Variants in ASTN2 observed in about 807,000 individuals in gnomAD.
The protein encoded by ASTN2 is astrotactin 2.
Under a neutral mutation model 139.8 loss-of-function variants are expected in ASTN2, and 54 were observed. The observed-to-expected ratio is 0.39, with a 90% CI of 0.31 to 0.48. The LOEUF is 0.48. Among genes scored for constraint, ASTN2 ranks in the 20% least tolerant of loss-of-function variants. ASTN2 has a pLI of 0.95. For missense variants in ASTN2, 1,565 were observed against 1,725.1 expected (o/e 0.91, Z 1.64); for synonymous variants, 756 against 719.5 (o/e 1.05, Z -0.81).
rs566478336 is a variant in ASTN2, at chr9:117,264,112, T to G, written c.630+27214A>C. Among the ~76,000 whole-genome samples the G allele has an allele frequency of 2.2e-4, 33 of 152,338 alleles. 1 individual carries two copies. The highest frequency in any genetic ancestry group is 3.9e-4 in the Admixed American group (6 of 15,300). ...TCTAAATTGAAAAAAATACAGTTTATTTATGGTATCCACATAATACTGTTA... is the reference window on the plus strand; with the variant it reads ...TCTAAATTGAAAAAAATACAGTTTAGTTATGGTATCCACATAATACTGTTA... On this transcript the variant is annotated intron_variant, in intron 2 of 22. Coordinates refer to ENST00000313400, the MANE Select transcript of ASTN2 (RefSeq NM_001365068.1).
intron 3 of ASTN2, among the ~76,000 whole-genome samples, chr9:117,161,362 G>A (rs1402358941): frequency 1.3e-5 from 2 of 151,942 alleles, no homozygotes; most frequent in Non-Finnish European, 2.9e-5. Context: ...GAGGAGAACT[G>A]GAGCAGCTTT....
chr9:116,680,307 T>G (rs149467370), intron 16 of ASTN2, among the ~76,000 whole-genome samples: 6,223 of 152,142 alleles, frequency 0.041, 414 homozygotes, highest in African/African-American at 0.14. Context: ...ACATACACCA[T>G]CCCAAGACTA....
In ASTN2 at chr9:117,305,147, G is replaced by A. The variant is rs570181270; in HGVS notation, c.443-13634C>T. On this transcript the variant is annotated intron_variant, in intron 1 of 22. Transcript: ENST00000313400. ...TCCCATATTGCCAGGCTAGCAGTAG[G>A]AAAAGTGGAATTCCACTCTTGTCTT... Among the ~76,000 whole-genome samples the A allele has an allele frequency of 3.3e-4, 51 of 152,270 alleles. 1 individual carries two copies. In the South Asian group the frequency reaches 9.8e-3, roughly 29 times the overall value.
Position 116,736,613 on chromosome 9 carries a change from T to G in ASTN2, c.2397-3090A>C, listed in dbSNP as rs542063808. Among the ~76,000 whole-genome samples the G allele has an allele frequency of 3.3e-5, 5 of 152,274 alleles. No homozygotes were observed. In the East Asian group the frequency reaches 9.6e-4, roughly 29 times the overall value. On this transcript the variant is annotated intron_variant, in intron 13 of 22. Transcript: ENST00000313400. The stretch of plus-strand genomic sequence containing the variant: ...TATTCACCACATGCCCCAGGCTCTG[T>G]TCTCTATGTGACCTCTTCAAGCCTC...
At chr9:116,511,685 G>A (rs1033172674) in intron 19 of ASTN2, among the ~76,000 whole-genome samples, 1 of 152,156 alleles carries the variant, frequency 6.6e-6, no homozygotes, top group South Asian at 2.1e-4. Context: ...TTCAGAGCCT[G>A]TGATTGGTCT....
intron 19 of ASTN2, among the ~76,000 whole-genome samples, chr9:116,603,702 T>G (rs1212363016): frequency 6.6e-6 from 1 of 152,214 alleles, no homozygotes; most frequent in Non-Finnish European, 1.5e-5. Flanking sequence ...GGGCAAACTC[T>G]CTGGATGAAA....
At chr9:116,682,451 T>C (rs1404388097) in intron 16 of ASTN2, among the ~76,000 whole-genome samples, 2 of 152,224 alleles carry the variant, frequency 1.3e-5, no homozygotes, top group Non-Finnish European at 2.9e-5. Context: ...GTTCAAACAT[T>C]GTGGAAGTCA....
chr9:117,259,215 G>A (rs1049164598), intron 2 of ASTN2, among the ~76,000 whole-genome samples: 1 of 152,112 alleles, frequency 6.6e-6, no homozygotes, highest in Admixed American at 6.5e-5. Flanking sequence ...GATGCAAAAT[G>A]TGTGTACTGA....
At chr9:116,794,812 T>C (rs1461440121) in intron 13 of ASTN2, among the ~76,000 whole-genome samples, 1 of 152,082 alleles carries the variant, frequency 6.6e-6, no homozygotes, top group Non-Finnish European at 1.5e-5. Context: ...TGTGATGTGG[T>C]GATAATAGGG....
chr9:117,103,633 C>T (rs1156491208), intron 4 of ASTN2, among the ~76,000 whole-genome samples: 1 of 152,222 alleles, frequency 6.6e-6, no homozygotes, highest in Non-Finnish European at 1.5e-5. Flanking sequence ...ACTCCATCTC[C>T]TGCTCTTGCT....
At chr9:116,944,821 G>C (rs1475647812) in intron 10 of ASTN2, among the ~76,000 whole-genome samples, 2 of 152,088 alleles carry the variant, frequency 1.3e-5, no homozygotes, top group African/African-American at 4.8e-5. Flanking sequence ...GGCTTGAGCT[G>C]TTATGAGGAA....
intron 19 of ASTN2, among the ~76,000 whole-genome samples, chr9:116,507,686 CACCTTCCCACATTGGT>C (rs1475536432): frequency 1.3e-5 from 2 of 152,100 alleles, no homozygotes; most frequent in African/African-American, 4.8e-5. Context: ...TTGTTCTTGG[CACCTTCCCACATTGGT>C]ACTGTCATCT....
chr9:117,044,135 G>A (rs1054274812), intron 5 of ASTN2, among the ~76,000 whole-genome samples: 5 of 152,080 alleles, frequency 3.3e-5, no homozygotes, highest in Non-Finnish European at 7.4e-5. Flanking sequence ...AAGAAATAGT[G>A]GTGTTTGTCT....
intron 6 of ASTN2, among the ~76,000 whole-genome samples, chr9:117,020,055 T>C (rs1837832606): frequency 6.6e-6 from 1 of 150,782 alleles, no homozygotes; most frequent in African/African-American, 2.4e-5. Context: ...TATGTGTGTG[T>C]GTGTAGCAAA....
intron 19 of ASTN2, among the ~76,000 whole-genome samples, chr9:116,604,754 CT>C (rs1417645542): frequency 2.6e-5 from 4 of 152,202 alleles, no homozygotes; most frequent in Admixed American, 2.0e-4. Context: ...ACAAATTCAC[CT>C]CCATAACTGC....
At chr9:116,559,588 C>T (rs1398790227) in intron 19 of ASTN2, among the ~76,000 whole-genome samples, 2 of 152,228 alleles carry the variant, frequency 1.3e-5, no homozygotes, top group South Asian at 2.1e-4. Context: ...GAGAATGTTA[C>T]AAAATATATG....
chr9:116,900,669 T>C (rs1390421508), intron 10 of ASTN2, among the ~76,000 whole-genome samples: 2 of 152,154 alleles, frequency 1.3e-5, no homozygotes, highest in Admixed American at 1.3e-4. Flanking sequence ...AGCCTACCAT[T>C]GGTTCCAGCT....
chr9:117,390,676 A>C (rs1830517704), intron 1 of ASTN2, among the ~76,000 whole-genome samples: 1 of 152,164 alleles, frequency 6.6e-6, no homozygotes, highest in Non-Finnish European at 1.5e-5. Flanking sequence ...GCTTGATATT[A>C]ATAGCTCATC....
At chr9:117,171,362 G>A (rs1056149835) in intron 3 of ASTN2, among the ~76,000 whole-genome samples, 11 of 152,074 alleles carry the variant, frequency 7.2e-5, no homozygotes, top group African/African-American at 2.4e-4. Flanking sequence ...GACTGCAGAA[G>A]GGTTGTTTAA....
Sources: gnomAD v4.1 joint callset for allele counts (sites outside exome capture counted in the v4.1 genomes callset) on GRCh38, gnomAD v4.1.1 for gene constraint, MANE v1.5 for transcripts, NCBI Gene and HGNC (gene_info 2026-07-23, HGNC 2026-07-21) for gene names.